The following LYRM4 variants were observed in gnomAD, a reference collection of about 807,000 sequenced individuals.
LYRM4 encodes the protein LYR motif-containing protein 4.
Under a neutral mutation model 11.7 loss-of-function variants are expected in LYRM4, and 9 were observed. The observed-to-expected ratio is 0.77, with a 90% CI of 0.46 to 1.34. The LOEUF is 1.34. Ranked by LOEUF, LYRM4 falls within the 40% of genes most tolerant of loss-of-function variation. The pLI is 0.00. For missense variants in LYRM4, 133 were observed against 112.5 expected (o/e 1.18, Z -0.82); for synonymous variants, 42 against 40.4 (o/e 1.04, Z -0.15).
At chr6:5,173,561 T>C (rs1366458636) in intron 2 of LYRM4, among the ~76,000 whole-genome samples, 1 of 152,250 alleles carries the variant, frequency 6.6e-6, no homozygotes, top group Non-Finnish European at 1.5e-5. Context: ...TTTTCTTTTC[T>C]ATGAATGATA....
chr6:5,226,478 G>A (rs1762899607), intron 1 of LYRM4, among the ~76,000 whole-genome samples: 1 of 152,152 alleles, frequency 6.6e-6, no homozygotes, highest in African/African-American at 2.4e-5. Flanking sequence ...TCCGCTTCCT[G>A]GGTTCAAGCG....
chr6:5,145,526 T>G (rs369800801), intron 2 of LYRM4, among the ~76,000 whole-genome samples: 3 of 152,286 alleles, frequency 2.0e-5, no homozygotes, highest in East Asian at 3.9e-4. Context: ...CTGCGGAATT[T>G]CTCTGCCACA....
chr6:5,210,188 C>T (rs1761918979), intron 2 of LYRM4, among the ~76,000 whole-genome samples: 1 of 151,972 alleles, frequency 6.6e-6, no homozygotes, highest in Non-Finnish European at 1.5e-5. Flanking sequence ...TGAAAAATGG[C>T]CAAGGAAAAC....
Position 5,190,389 on chromosome 6 carries a change from AATTCACTTGGT to A in LYRM4, c.207+26218_207+26228del, listed in dbSNP as rs549689601. Among the ~76,000 whole-genome samples, 10 of 152,304 alleles carry A rather than the reference AATTCACTTGGT, an allele frequency of 6.6e-5. No homozygotes were observed. In the East Asian group the frequency reaches 1.7e-3, roughly 26 times the overall value. ...TTAGGAAAAAGCCCATTTAGAAAAA[AATTCACTTGGT>A]ATTCTGTAGTAACACCGTATCTGTT... On this transcript the variant is annotated intron_variant, in intron 2 of 2. Coordinates refer to ENST00000330636, the MANE Select transcript of LYRM4 (RefSeq NM_020408.6).
rs1168590709 is a variant in LYRM4 at position 5,260,849 on chromosome 6, CT to C, written c.-117del. Reference sequence around the variant, plus strand: ...AACGAAATAAAATGCTGCGGCTCGGCTTTGCCAGCGGGCCGGGCCTAAGCCT... The same window carrying C: ...AACGAAATAAAATGCTGCGGCTCGGCTTGCCAGCGGGCCGGGCCTAAGCCT... On this transcript the variant is annotated 5_prime_UTR_variant, in exon 1 of 3. Transcript: ENST00000330636. 7 of 1,498,228 alleles carry C rather than the reference CT, an allele frequency of 4.7e-6. No homozygotes were observed. The East Asian group carries it at 1.2e-4, about 27-fold the overall frequency. The allele number at this position is 1,498,228 out of a possible 1,614,324, so 92.8% of individuals were successfully genotyped here.
the LYRM4 span, among the ~76,000 whole-genome samples, chr6:5,051,051 C>G: frequency 6.6e-6 from 1 of 152,032 alleles, no homozygotes; most frequent in South Asian, 2.1e-4. Flanking sequence ...CTAGAGGACT[C>G]AAAAACAGAT....
At chr6:5,182,829 A>G (rs775513932) in intron 2 of LYRM4, among the ~76,000 whole-genome samples, 64 of 152,254 alleles carry the variant, frequency 4.2e-4, no homozygotes, top group Non-Finnish European at 8.5e-4. Flanking sequence ...GACCTTCTAT[A>G]TTTTTTTAGC....
At chr6:5,256,536 T>C (rs1581612001) in intron 1 of LYRM4, among the ~76,000 whole-genome samples, 4 of 126,972 alleles carry the variant, frequency 3.2e-5, no homozygotes, top group Admixed American at 2.5e-4. Flanking sequence ...AAAAAGAATG[T>C]GGTTCTTAAA....
At chr6:5,117,407 T>C (rs544753179) in intron 2 of LYRM4, among the ~76,000 whole-genome samples, 1 of 152,132 alleles carries the variant, frequency 6.6e-6, no homozygotes, top group Admixed American at 6.5e-5. Context: ...ATACAAAGAT[T>C]AGCTGGGTGT....
the LYRM4 span, among the ~76,000 whole-genome samples, chr6:5,064,641 G>T: frequency 2.6e-5 from 4 of 152,208 alleles, no homozygotes; most frequent in East Asian, 7.7e-4. Flanking sequence ...TGGCCTCAAG[G>T]CAATCCTCTC....
At chr6:5,060,910 C>T in the LYRM4 span, among the ~76,000 whole-genome samples, 1 of 152,106 alleles carries the variant, frequency 6.6e-6, no homozygotes, top group Non-Finnish European at 1.5e-5. Context: ...CTAGTTATAC[C>T]AGTGGTATTT....
At chr6:5,194,463 T>C (rs1207949155) in intron 2 of LYRM4, among the ~76,000 whole-genome samples, 3 of 152,034 alleles carry the variant, frequency 2.0e-5, no homozygotes, top group Non-Finnish European at 4.4e-5. Context: ...TCTGGCAAAA[T>C]GATGAGGTAC....
chr6:5,195,626 A>G (rs1761007940), intron 2 of LYRM4, among the ~76,000 whole-genome samples: 1 of 152,064 alleles, frequency 6.6e-6, no homozygotes, highest in Non-Finnish European at 1.5e-5. Context: ...AAAGTGAGAG[A>G]CCCTGTCTCA....
chr6:5,047,167 T>C, the LYRM4 span, among the ~76,000 whole-genome samples: 1 of 152,290 alleles, frequency 6.6e-6, no homozygotes, highest in Non-Finnish European at 1.5e-5. Flanking sequence ...CAGGAAGGTA[T>C]AATTTATTGG....
chr6:5,213,997 C>T (rs1234057158), intron 2 of LYRM4, among the ~76,000 whole-genome samples: 1 of 152,230 alleles, frequency 6.6e-6, no homozygotes, highest in Non-Finnish European at 1.5e-5. Context: ...CTCAGAGTGA[C>T]ATAGCTAGTA....
At chr6:5,244,903 G>A (rs1411640974) in intron 1 of LYRM4, among the ~76,000 whole-genome samples, 1 of 150,946 alleles carries the variant, frequency 6.6e-6, no homozygotes, top group Admixed American at 6.6e-5. Context: ...GGCATCTGAG[G>A]TGGGGTTGGG....
At chr6:5,043,399 T>C in the LYRM4 span, 1 of 152,158 alleles carries the variant, frequency 6.6e-6, no homozygotes, top group South Asian at 2.1e-4. Context: ...CTCCTTATAC[T>C]TCAATTTTTG....
At chr6:5,228,064 T>C (rs945043019) in intron 1 of LYRM4, among the ~76,000 whole-genome samples, 13 of 152,114 alleles carry the variant, frequency 8.5e-5, no homozygotes, top group African/African-American at 2.7e-4. Context: ...GATGGGTTGA[T>C]AGGTGCAGCA....
the LYRM4 span, among the ~76,000 whole-genome samples, chr6:5,037,627 C>G: frequency 1.5e-5 from 1 of 68,048 alleles, no homozygotes. Context: ...GGGCGGCTGG[C>G]CGGGCGGGGG....
Sources: gnomAD v4.1 joint callset for allele counts (sites outside exome capture counted in the v4.1 genomes callset) on GRCh38, gnomAD v4.1.1 for gene constraint, MANE v1.5 for transcripts, NCBI Gene and HGNC (gene_info 2026-07-23, HGNC 2026-07-21) for gene names.